Variants in DHRS11 observed in about 807,000 individuals in gnomAD.
DHRS11 encodes the protein dehydrogenase/reductase SDR family member 11.
Under a neutral mutation model 30.7 loss-of-function variants are expected in DHRS11, and 18 were observed. The observed-to-expected ratio is 0.59, with a 90% confidence interval of 0.41 to 0.87. The LOEUF (loss-of-function observed/expected upper bound fraction) is 0.87. Among genes scored for constraint, DHRS11 ranks in the 40% least tolerant of loss-of-function variants. The pLI is 0.00. For synonymous variants in DHRS11, 123 were observed against 139.6 expected, an observed-to-expected ratio of 0.88 and a Z score of 0.84; for missense variants, 300 against 349.0, an observed-to-expected ratio of 0.86 and a Z score of 1.12.
In DHRS11 at chr17:36,592,196, G is replaced by C. The variant is rs1413755265; in HGVS notation, c.147+40G>C. 10 of 1,250,316 alleles carry C rather than the reference G, an allele frequency of 8.0e-6. No homozygotes were observed. The highest frequency in any genetic ancestry group is 1.0e-5 in the Non-Finnish European group (10 of 997,790). 77.5% of individuals were successfully genotyped at this position (1,250,316 alleles called of 1,614,324 possible). A position where few individuals can be genotyped will look rare whatever the true frequency, so the allele number is the denominator to read the frequency against. ...AGGGCGGGGACGTCGCGGGCGGGTC[G>C]TTTCCCCGGAGTCGGGTTCACCTGC... On this transcript the variant is annotated intron_variant, in intron 1 of 6. Transcript: ENST00000618403. This position sits in a 1 kb window ranked among gnomAD's most constrained non-coding sequence, Gnocchi z 4.4.
chr17:36,594,896 T>G, intron 1 of DHRS11, 75 bp from the exon 2 acceptor site: 1 of 1,505,338 alleles, frequency 6.6e-7, no homozygotes, highest in Non-Finnish European at 9.2e-7. Context: ...GTGACGGGGG[T>G]CGGGGTCTGA....
intron 2 of DHRS11, chr17:36,596,810 T>G (rs1331856007): frequency 2.1e-6 from 1 of 470,824 alleles, no homozygotes; most frequent in African/African-American, 2.0e-5. Context: ...CCCACAATCC[T>G]TTCCCATCTG....
Position 36,600,464 on chromosome 17 carries a change from T to C in DHRS11, c.*261T>C, listed in dbSNP as rs748441506. The C allele has an allele frequency of 5.1e-6, 3 of 585,290 alleles. No individual in the cohort carries two copies. Among genetic ancestry groups the C allele is most frequent in the Non-Finnish European group, 9.1e-6 (3 of 329,362 alleles). 36.3% of individuals were successfully genotyped at this position (585,290 alleles called of 1,614,324 possible). A position where few individuals can be genotyped will look rare whatever the true frequency, so the allele number is the denominator to read the frequency against. On this transcript the variant is annotated 3_prime_UTR_variant, in exon 7 of 7. Coordinates refer to ENST00000618403, the MANE Select transcript of DHRS11 (RefSeq NM_024308.4). ...TCTTGTGCCCCTGGGCACTTGGCCT[T>C]TGTCTGCTCTCAGTGTCTTCCCTTT... is the stretch of plus-strand genomic sequence containing the variant.
intron 2 of DHRS11, chr17:36,597,956 C>A (rs2074824260): frequency 3.3e-6 from 2 of 605,952 alleles, no homozygotes; most frequent in South Asian, 2.0e-5. Flanking sequence ...GGAGCTACCT[C>A]TGTTATCAAC....
intron 1 of DHRS11, among the ~76,000 whole-genome samples, chr17:36,593,804 C>T (rs897134193): frequency 2.0e-5 from 3 of 152,252 alleles, no homozygotes; most frequent in East Asian, 3.9e-4. Flanking sequence ...CTCTAGGGCA[C>T]CGCACGCCCC....
intron 2 of DHRS11, 151 bp downstream of exon 2, chr17:36,595,331 T>G: frequency 4.0e-6 from 3 of 753,446 alleles, no homozygotes; most frequent in Non-Finnish European, 6.5e-6. Flanking sequence ...CTCTCTTGGC[T>G]TCTTGCCCTA....
rs1459571400 is a variant in DHRS11, at chr17:36,600,501, G to A, written c.*298G>A. The A allele has an allele frequency of 3.6e-6, 2 of 556,370 alleles. No individual in the cohort carries two copies. Among genetic ancestry groups the A allele is most frequent in the Non-Finnish European group, 6.4e-6 (2 of 311,848 alleles). 34.5% of individuals were successfully genotyped at this position (556,370 alleles called of 1,614,324 possible). On this transcript the variant is annotated 3_prime_UTR_variant, in exon 7 of 7. Coordinates refer to ENST00000618403, the MANE Select transcript of DHRS11 (RefSeq NM_024308.4). Reference sequence around the variant, plus strand: ...AGTGTCTTCCCTTTGACATGGGAAAGGAGTTGTGGCCAAAATCCCCATCTT... The same window carrying A: ...AGTGTCTTCCCTTTGACATGGGAAAAGAGTTGTGGCCAAAATCCCCATCTT...
intron 5 of DHRS11, 90 bp from the exon 6 acceptor site, chr17:36,599,882 G>T (rs945425015): frequency 6.3e-7 from 1 of 1,580,910 alleles, no homozygotes; most frequent in African/African-American, 1.3e-5. Flanking sequence ...GGTTGGGGTG[G>T]ATGTGTGGAT....
chr17:36,594,285 G>A (rs1327167083), intron 1 of DHRS11, among the ~76,000 whole-genome samples: 1 of 152,134 alleles, frequency 6.6e-6, no homozygotes, highest in African/African-American at 2.4e-5. Flanking sequence ...GTGACTCTCG[G>A]GACTGGTGTA....
Position 36,595,199 on chromosome 17 carries a change from C to T in DHRS11, c.357+19C>T, listed in dbSNP as rs762838953. 2.5e-6 allele frequency: 4 copies of T among 1,612,332 alleles called. No homozygotes were observed. In the South Asian group the frequency reaches 4.4e-5, roughly 18 times the overall value. ...GTTCAATGTAAGAGCTCCAAGCCTC[C>T]ATCTTCCAGGTGGAGGGTGGGGAGG... On this transcript the variant is annotated intron_variant, in intron 2 of 6. Coordinates refer to ENST00000618403, the MANE Select transcript of DHRS11 (RefSeq NM_024308.4).
chr17:36,598,454 C>A (rs1424391021), intron 3 of DHRS11, 197 bp downstream of exon 3: 8 of 606,412 alleles, frequency 1.3e-5, no homozygotes, highest in Non-Finnish European at 2.0e-5. Context: ...AGCTTAGCCC[C>A]TTCCCTCTAC....
chr17:36,599,064 C>T lies in DHRS11; in HGVS notation c.582+14C>T. ...ATCCGAGCCACGGTGAGGCTGTGGC[C>T]TAGCCCTGGTGGGCACAGGGTGGCG... On this transcript the variant is annotated intron_variant, in intron 4 of 6. Coordinates refer to ENST00000618403, the MANE Select transcript of DHRS11 (RefSeq NM_024308.4). 6.2e-7 allele frequency: 1 copy of T among 1,609,794 alleles called. No individual in the cohort carries two copies. Among genetic ancestry groups the T allele is most frequent in the Non-Finnish European group, 8.5e-7 (1 of 1,179,634 alleles).
At chr17:36,595,905 C>T (rs948864760) in intron 2 of DHRS11, among the ~76,000 whole-genome samples, 1 of 152,160 alleles carries the variant, frequency 6.6e-6, no homozygotes, top group Non-Finnish European at 1.5e-5. Flanking sequence ...CCTAGCCTCA[C>T]TAGTAACTAT....
At position 36,595,011 on chromosome 17, in the gene DHRS11, CT is replaced by C. The variant is rs1280938691; in HGVS notation, c.191del (p.Leu64Ter). On this transcript the variant is annotated frameshift_variant, in exon 2 of 7. Coordinates refer to ENST00000618403, the MANE Select transcript of DHRS11 (RefSeq NM_024308.4). LOFTEE classifies it high-confidence loss of function. ...AECKSAGYPGTLIPYRCDLSN... is the reference protein window; with the variant it reads ...AECKSAGYPGXLIPYRCDLSN... ...TGTAAGAGTGCAGGCTACCCCGGGA[CT>C]TTGATCCCCTACAGATGTGACCTAT... 1.9e-6 allele frequency: 3 copies of C among 1,614,200 alleles called. No individual in the cohort carries two copies. The highest frequency in any genetic ancestry group is 2.5e-6 in the Non-Finnish European group (3 of 1,180,034).
chr17:36,593,019 G>A (rs1052381444), intron 1 of DHRS11, among the ~76,000 whole-genome samples: 4 of 152,072 alleles, frequency 2.6e-5, no homozygotes, highest in African/African-American at 7.2e-5. Flanking sequence ...GCTGACCAAA[G>A]GTATGCTTTA....
chr17:36,599,150 A>T (rs917579735), intron 4 of DHRS11, 100 bp downstream of exon 4: 11 of 1,476,774 alleles, frequency 7.4e-6, no homozygotes, highest in Non-Finnish European at 9.9e-6. Flanking sequence ...TGCCGCTCAG[A>T]GCTCCTGGGA....
In DHRS11 at chr17:36,592,284, C is replaced by G; in HGVS notation, c.147+128C>G. ...CTCTCGGATCCCTTAAGGCAGGCTT[C>G]TCCCTTCCCCTTAAGTCTCATCTTT... On this transcript the variant is annotated intron_variant, in intron 1 of 6. Coordinates refer to ENST00000618403, the MANE Select transcript of DHRS11 (RefSeq NM_024308.4). This position sits in a 1 kb window ranked among gnomAD's most constrained non-coding sequence, Gnocchi z 4.4. The G allele has an allele frequency of 6.2e-6, 7 of 1,128,388 alleles. No individual in the cohort carries two copies. The highest frequency in any genetic ancestry group is 1.6e-5 in the African/African-American group (1 of 62,292). The allele number at this position is 1,128,388 out of a possible 1,614,324, so 69.9% of individuals were successfully genotyped here. A position where few individuals can be genotyped will look rare whatever the true frequency, so the allele number is the denominator to read the frequency against.
intron 6 of DHRS11, 25 bp from the exon 7 acceptor site, chr17:36,600,137 G>A (rs2074847400): frequency 6.2e-7 from 1 of 1,609,986 alleles, no homozygotes; most frequent in Admixed American, 1.7e-5. Context: ...TGTCACAGCT[G>A]CCTCATGCCT....
Position 36,599,681 on chromosome 17 carries a change from C to T in DHRS11, c.593C>T (p.Pro198Leu). The change falls in exon 5 of 7, where the codon CCA (proline) becomes CTA (leucine). Residue 198 changes from proline to leucine, a missense_variant. By Grantham distance (98) the Pro-to-Leu change is moderately conservative. Transcript: ENST00000618403. ...TCTCTGTTGGCCCAGTGCATCTCTC[C>T]AGGTGTGGTGGAGACACAATTCGCC... is the stretch of plus-strand genomic sequence containing the variant. ...QTHIRATCIS[P>L]GVVETQFAFK... 2.5e-6 allele frequency: 4 copies of T among 1,614,204 alleles called. No homozygotes were observed. Among genetic ancestry groups the T allele is most frequent in the Non-Finnish European group, 3.4e-6 (4 of 1,180,026 alleles).
Sources: allele counts gnomAD v4.1 joint callset (sites outside exome capture counted in the v4.1 genomes callset), GRCh38; gene constraint gnomAD v4.1.1; non-coding constraint Gnocchi (gnomAD v3.1); transcripts MANE v1.5; gene names NCBI Gene and HGNC (gene_info 2026-07-23, HGNC 2026-07-21).